SRD5A2: variants seen among roughly 807,000 people sequenced by gnomAD.
SRD5A2 encodes 3-oxo-5-alpha-steroid 4-dehydrogenase 2.
SRD5A2 carries 30 observed loss-of-function variants against 27.4 expected under a neutral mutation model. The ratio of observed to expected loss-of-function variants is 1.10; its 90% CI spans 0.82 to 1.49. The LOEUF is 1.49. Among genes scored for constraint, SRD5A2 ranks in the 40% most tolerant of loss-of-function variants. The pLI is 0.00. For missense variants in SRD5A2, 348 were observed against 323.4 expected (o/e 1.08, Z -0.58); for synonymous variants, 141 against 133.6 (o/e 1.06, Z -0.38).
intron 1 of SRD5A2, among the ~76,000 whole-genome samples, chr2:31,578,787 T>G (rs968033918): frequency 8.7e-6 from 1 of 115,208 alleles, no homozygotes; most frequent in Non-Finnish European, 1.8e-5. Flanking sequence ...CTCCTTTGGG[T>G]TTTTTTTTAA....
intron 1 of SRD5A2, among the ~76,000 whole-genome samples, chr2:31,567,935 T>A (rs1041788976): frequency 2.0e-5 from 3 of 151,858 alleles, no homozygotes; most frequent in Non-Finnish European, 4.4e-5. Context: ...CACAGAATGA[T>A]GAGGGGTGTG....
chr2:31,654,188 G>A, the SRD5A2 span, among the ~76,000 whole-genome samples: 1 of 152,102 alleles, frequency 6.6e-6, no homozygotes, highest in African/African-American at 2.4e-5. Context: ...TATACCTGCT[G>A]TTTGCAAAAA....
chr2:31,620,280 A>G, the SRD5A2 span, among the ~76,000 whole-genome samples: 8 of 152,118 alleles, frequency 5.3e-5, no homozygotes, highest in African/African-American at 1.9e-4. Flanking sequence ...CTAGCACAAG[A>G]CAAGGATGCC....
rs574875131 is a variant in SRD5A2, at chr2:31,569,835, A to C, written c.281+10785T>G. 5.6e-4 allele frequency among the ~76,000 whole-genome samples: 86 copies of C among 152,296 alleles called. 1 individual carries two copies. The highest frequency in any genetic ancestry group is 4.3e-3 in the Admixed American group (66 of 15,292). ...AAATCACTGTGACCTTAGATTAGGC[A>C]AAAATTTTTTAGATATCACATCAAA... On this transcript the variant is annotated intron_variant, in intron 1 of 4. Transcript: ENST00000622030.
the SRD5A2 span, among the ~76,000 whole-genome samples, chr2:31,613,404 T>A: frequency 6.6e-6 from 1 of 152,132 alleles, no homozygotes; most frequent in Non-Finnish European, 1.5e-5. Flanking sequence ...CCAACAGATA[T>A]ATGAAAAATG....
Position 31,530,978 on chromosome 2 carries a change from T to C in SRD5A2, c.547+393A>G, listed in dbSNP as rs28383056. 9.9e-3 allele frequency among the ~76,000 whole-genome samples: 1,501 copies of C among 152,320 alleles called. 22 individuals carry two copies. Among genetic ancestry groups the C allele is most frequent in the South Asian group, 0.044 (212 of 4,826 alleles). The stretch of plus-strand genomic sequence containing the variant: ...TAACTGCTCACAAGATAAGTCTAGA[T>C]CAATTGGAGGGGACACATTTATTGG... On this transcript the variant is annotated intron_variant, in intron 3 of 4. Coordinates refer to ENST00000622030, the MANE Select transcript of SRD5A2 (RefSeq NM_000348.4).
chr2:31,549,024 T>A (rs1055151609), intron 1 of SRD5A2, among the ~76,000 whole-genome samples: 1 of 151,128 alleles, frequency 6.6e-6, no homozygotes, highest in Admixed American at 6.6e-5. Flanking sequence ...TTAAAAGTAG[T>A]CAAAAGCATA....
At chr2:31,572,133 G>A (rs893672635) in intron 1 of SRD5A2, among the ~76,000 whole-genome samples, 3 of 152,204 alleles carry the variant, frequency 2.0e-5, no homozygotes, top group African/African-American at 7.2e-5. Context: ...TATACACCAT[G>A]GAATATTATG....
upstream of SRD5A2, among the ~76,000 whole-genome samples, chr2:31,584,588 A>G (rs1667145526): frequency 6.6e-6 from 1 of 152,246 alleles, no homozygotes. Context: ...TACCATATTT[A>G]GGAATCCCCA....
the SRD5A2 span, among the ~76,000 whole-genome samples, chr2:31,610,073 G>C: frequency 6.6e-6 from 1 of 152,134 alleles, no homozygotes; most frequent in African/African-American, 2.4e-5. Flanking sequence ...AGCCTTCACT[G>C]TTAATTTCTG....
chr2:31,599,000 C>T, the SRD5A2 span, among the ~76,000 whole-genome samples: 1 of 151,562 alleles, frequency 6.6e-6, no homozygotes, highest in Non-Finnish European at 1.5e-5. Context: ...CAATGGAAAC[C>T]AAAAAAGAGC....
At chr2:31,637,723 C>G in the SRD5A2 span, among the ~76,000 whole-genome samples, 1 of 152,020 alleles carries the variant, frequency 6.6e-6, no homozygotes, top group South Asian at 2.1e-4. Context: ...TGAATTCATT[C>G]CTGAGTAAAA....
chr2:31,593,156 TGCTA>T, the SRD5A2 span, among the ~76,000 whole-genome samples: 20 of 152,058 alleles, frequency 1.3e-4, no homozygotes, highest in African/African-American at 4.8e-4. Flanking sequence ...ATATACCTAA[TGCTA>T]AATGACGAGT....
chr2:31,644,087 T>C, the SRD5A2 span, among the ~76,000 whole-genome samples: 4 of 152,160 alleles, frequency 2.6e-5, no homozygotes, highest in African/African-American at 9.7e-5. Flanking sequence ...GTGATCAAAA[T>C]TAAATTGTCA....
the SRD5A2 span, among the ~76,000 whole-genome samples, chr2:31,598,609 T>C: frequency 6.6e-6 from 1 of 152,008 alleles, no homozygotes; most frequent in East Asian, 1.9e-4. Context: ...CTTAATATAA[T>C]GGGTTATCTG....
the SRD5A2 span, among the ~76,000 whole-genome samples, chr2:31,587,986 T>G: frequency 6.6e-6 from 1 of 152,052 alleles, no homozygotes; most frequent in South Asian, 2.1e-4. Flanking sequence ...GAAGAATGCA[T>G]CAGAATCTTT....
chr2:31,563,422 A>C (rs1666666195), intron 1 of SRD5A2: 1 of 152,158 alleles, frequency 6.6e-6, no homozygotes, highest in African/African-American at 2.4e-5. Context: ...TATTTACAAA[A>C]CACTGGATAT....
intron 3 of SRD5A2, among the ~76,000 whole-genome samples, chr2:31,529,974 C>T (rs1049192790): frequency 2.0e-5 from 3 of 152,170 alleles, no homozygotes; most frequent in Non-Finnish European, 4.4e-5. Context: ...AAAGCACTCT[C>T]CTCTGTTCAT....
At chr2:31,572,281 C>A (rs1666866753) in intron 1 of SRD5A2, among the ~76,000 whole-genome samples, 1 of 152,036 alleles carries the variant, frequency 6.6e-6, no homozygotes, top group African/African-American at 2.4e-5. Flanking sequence ...ACTAAGAGAA[C>A]AACAGCACTG....
Sources: gnomAD v4.1 joint callset for allele counts (sites outside exome capture counted in the v4.1 genomes callset) on GRCh38, gnomAD v4.1.1 for gene constraint, MANE v1.5 for transcripts, NCBI Gene and HGNC (gene_info 2026-07-23, HGNC 2026-07-21) for gene names.